Variants in NEBL observed in about 807,000 individuals in gnomAD.
NEBL encodes the protein nebulette, also known as LIM and SH3 protein 2.
Under a neutral mutation model 140.2 loss-of-function variants are expected in NEBL, and 122 were observed. The ratio of observed to expected loss-of-function variants is 0.87; its 90% confidence interval spans 0.75 to 1.01. The LOEUF is 1.01. Ranked by LOEUF, NEBL falls within the 50% of genes least tolerant of loss-of-function variation. The pLI, the probability that NEBL is intolerant of heterozygous loss-of-function variation, is 0.00. For missense variants in NEBL, 1,365 were observed against 1,231.3 expected (o/e 1.11, Z -1.62); for synonymous variants, 436 against 398.9 (o/e 1.09, Z -1.11).
At chr10:21,197,503 C>T (rs1362088790) in intron 3 of NEBL, among the ~76,000 whole-genome samples, 8 of 152,138 alleles carry the variant, frequency 5.3e-5, no homozygotes, top group Non-Finnish European at 1.0e-4. Context: ...GCTTTGTCCC[C>T]CTGTGAAACC....
At position 20,998,525 on chromosome 10, in the gene NEBL, A is replaced by G. The variant is rs562520334; in HGVS notation, c.249+21592T>C. 2.0e-5 allele frequency among the ~76,000 whole-genome samples: 3 copies of G among 152,220 alleles called. No homozygotes were observed. The South Asian group carries it at 6.2e-4, about 32-fold the overall frequency. ...TCTCAACAATAGGCATTTAGAAACC[A>G]TGGCTCCTGGCTGCTTCAAGAAATG... On this transcript the variant is annotated intron_variant, in intron 3 of 6. Coordinates refer to the NEBL transcript ENST00000417816.
chr10:20,805,592 T>C (rs1370726630), intron 26 of NEBL, among the ~76,000 whole-genome samples: 2 of 152,062 alleles, frequency 1.3e-5, no homozygotes, highest in Non-Finnish European at 2.9e-5. Context: ...GTGGCTCATG[T>C]CTGTAATCCT....
At chr10:20,973,095 G>A (rs1836649931) in intron 3 of NEBL, among the ~76,000 whole-genome samples, 1 of 152,146 alleles carries the variant, frequency 6.6e-6, no homozygotes, top group Admixed American at 6.5e-5. Flanking sequence ...AGTGTCAGTT[G>A]TAAGAAATGC....
At chr10:20,823,414 C>T in intron 18 of NEBL, 114 bp from the exon 19 acceptor site, 1 of 757,162 alleles carries the variant, frequency 1.3e-6, no homozygotes, top group South Asian at 1.8e-5. Flanking sequence ...TCCAACATTA[C>T]TTTTCCTTCA....
intron 10 of NEBL, among the ~76,000 whole-genome samples, chr10:20,851,091 C>T (rs1007835015): frequency 6.6e-6 from 1 of 152,030 alleles, no homozygotes; most frequent in East Asian, 1.9e-4. Flanking sequence ...CAGTCTAATC[C>T]TCATCTTACT....
intron 3 of NEBL, among the ~76,000 whole-genome samples, chr10:21,181,918 T>C (rs980839610): frequency 6.6e-6 from 1 of 152,212 alleles, no homozygotes; most frequent in Non-Finnish European, 1.5e-5. Context: ...CATGAATCTA[T>C]GTCTGGGTTG....
intron 2 of NEBL, among the ~76,000 whole-genome samples, chr10:21,041,328 C>A (rs1362137906): frequency 1.3e-5 from 2 of 152,142 alleles, no homozygotes; most frequent in African/African-American, 2.4e-5. Context: ...GTTCCAGCTT[C>A]ATTCTAGAGC....
At chr10:20,952,467 A>C (rs1198084750) in intron 4 of NEBL, among the ~76,000 whole-genome samples, 2 of 151,022 alleles carry the variant, frequency 1.3e-5, no homozygotes, top group African/African-American at 2.4e-5. Context: ...AAAGAACTGG[A>C]AATAGGATAT....
chr10:21,123,025 G>C (rs1838651603), intron 2 of NEBL, among the ~76,000 whole-genome samples: 1 of 152,138 alleles, frequency 6.6e-6, no homozygotes, highest in South Asian at 2.1e-4. Flanking sequence ...TAACAAGCCA[G>C]AAATTTTTTT....
chr10:20,901,346 G>A (rs922903644), upstream of NEBL, among the ~76,000 whole-genome samples: 5 of 152,110 alleles, frequency 3.3e-5, no homozygotes, highest in African/African-American at 9.7e-5. Flanking sequence ...GTGGCCAAGG[G>A]AACGTATCTG....
In NEBL at chr10:21,168,173, C is replaced by G. The variant is rs139356765; in HGVS notation, c.164+4210G>C. ...CTAAACACATGAGAATATAAACAAG[C>G]AACATATTTAAACTGAAGAAGCACT... On this transcript the variant is annotated intron_variant, in intron 2 of 6. Coordinates refer to the NEBL transcript ENST00000417816. Among the ~76,000 whole-genome samples, 490 of 152,198 alleles carry G rather than the reference C, an allele frequency of 3.2e-3. 2 individuals carry two copies. The highest frequency in any genetic ancestry group is 0.011 in the African/African-American group (454 of 41,514).
chr10:20,783,981 T>G lies in NEBL; in HGVS notation c.*1766A>C, dbSNP rs559444957. 3.3e-5 allele frequency: 5 copies of G among 152,378 alleles called. No individual in the cohort carries two copies. Among genetic ancestry groups the G allele is most frequent in the Admixed American group, 3.3e-4 (5 of 15,294 alleles). The allele number at this position is 152,378 out of a possible 1,614,324, so 9.4% of individuals were successfully genotyped here. A position where few individuals can be genotyped will look rare whatever the true frequency, so the allele number is the denominator to read the frequency against. On this transcript the variant is annotated 3_prime_UTR_variant, in exon 28 of 28. Transcript: ENST00000377122. Reference sequence around the variant, plus strand: ...AGTGTAATAAAGCCTATTTACCCTTTTAGCCTAATAAAATGAAATCACAGA... The same window carrying G: ...AGTGTAATAAAGCCTATTTACCCTTGTAGCCTAATAAAATGAAATCACAGA...
At chr10:20,968,225 C>T (rs1035570031) in intron 3 of NEBL, among the ~76,000 whole-genome samples, 1 of 152,028 alleles carries the variant, frequency 6.6e-6, no homozygotes, top group African/African-American at 2.4e-5. Flanking sequence ...TGGATTAGGG[C>T]CAGGCACCGT....
At chr10:21,073,641 T>G (rs1319892437) in intron 2 of NEBL, among the ~76,000 whole-genome samples, 2 of 150,582 alleles carry the variant, frequency 1.3e-5, no homozygotes, top group African/African-American at 2.4e-5. Context: ...AAAAAAAGTC[T>G]TTATTTCAAT....
chr10:21,250,608 T>G (rs887447039), intron 2 of NEBL, among the ~76,000 whole-genome samples: 3 of 152,146 alleles, frequency 2.0e-5, no homozygotes, highest in African/African-American at 7.2e-5. Flanking sequence ...ATCCAGTACT[T>G]TTTAAACTTT....
At chr10:20,862,651 T>C (rs1230701532) in intron 7 of NEBL, among the ~76,000 whole-genome samples, 1 of 152,210 alleles carries the variant, frequency 6.6e-6, no homozygotes, top group Non-Finnish European at 1.5e-5. Context: ...TATAACTTGT[T>C]ATCCAACCAT....
At chr10:20,915,765 A>G (rs1176620277) in intron 4 of NEBL, among the ~76,000 whole-genome samples, 1 of 152,116 alleles carries the variant, frequency 6.6e-6, no homozygotes, top group Non-Finnish European at 1.5e-5. Flanking sequence ...CTTTGGGTAT[A>G]TACCCAGTAA....
intron 2 of NEBL, chr10:21,029,779 T>C (rs542640466): frequency 3.9e-6 from 3 of 762,932 alleles, no homozygotes; most frequent in African/African-American, 3.4e-5. Flanking sequence ...ATCGCTATGA[T>C]GACCGAGGCA....
intron 2 of NEBL, among the ~76,000 whole-genome samples, chr10:21,076,444 C>CAAAAAAAAAAA (rs56013237): frequency 2.0e-5 from 1 of 50,048 alleles, no homozygotes; most frequent in African/African-American, 6.2e-5. Context: ...GACTCAGTTT[C>CAAAAAAAAAAA]AAAAAAAAAA....
Sources: gnomAD v4.1 joint callset for allele counts (sites outside exome capture counted in the v4.1 genomes callset) on GRCh38, gnomAD v4.1.1 for gene constraint, MANE v1.5 for transcripts, NCBI Gene and HGNC (gene_info 2026-07-23, HGNC 2026-07-21) for gene names.